Variants in MAML1 observed in about 807,000 individuals in gnomAD.
MAML1 encodes the protein mastermind-like protein 1.
A neutral mutation model predicts 77.1 loss-of-function variants in MAML1; 14 were observed. The observed-to-expected ratio is 0.18, with a 90% CI of 0.12 to 0.28. The LOEUF (loss-of-function observed/expected upper bound fraction) is 0.28. MAML1 is among the 10% of genes least tolerant of loss of function. The pLI is 1.00. For synonymous variants in MAML1, 516 were observed against 551.9 expected, an observed-to-expected ratio of 0.93 and a Z score of 0.91; for missense variants, 1,217 against 1,327.8, an observed-to-expected ratio of 0.92 and a Z score of 1.30.
At chr5:179,740,579 C>CT (rs1430130530) in intron 1 of MAML1, among the ~76,000 whole-genome samples, 2 of 152,000 alleles carry the variant, frequency 1.3e-5, no homozygotes, top group African/African-American at 4.8e-5. Context: ...CCCGGCCGAT[C>CT]TTTAAGTTTT....
chr5:179,760,627 T>C lies in MAML1; in HGVS notation c.316-4699T>C, dbSNP rs866076031. ...GTTCAGTCATGGGAATTTGAAGGCA[T>C]GGGAATGTGTGAAATCTCTCAGGTA... On this transcript the variant is annotated intron_variant, in intron 1 of 4. Transcript: ENST00000292599. 7.2e-5 allele frequency among the ~76,000 whole-genome samples: 11 copies of C among 151,918 alleles called. No individual in the cohort carries two copies. The South Asian group carries it at 8.3e-4, about 11-fold the overall frequency.
At chr5:179,746,413 C>G (rs1229439554) in intron 1 of MAML1, among the ~76,000 whole-genome samples, 1 of 152,028 alleles carries the variant, frequency 6.6e-6, no homozygotes, top group Non-Finnish European at 1.5e-5. Context: ...GCTCTTGTTG[C>G]CCAGGCTGGA....
chr5:179,748,949 TG>T (rs1309595181), intron 1 of MAML1, among the ~76,000 whole-genome samples: 11 of 104,274 alleles, frequency 1.1e-4, no homozygotes, highest in Admixed American at 1.2e-4. Flanking sequence ...AAGGTGTTTT[TG>T]TTTTTTTTTT....
In MAML1 at chr5:179,775,914, G is replaced by A. The variant is rs1756126443; in HGVS notation, c.*1037G>A. ...TTCCTAAGGGAACCTTAGCATAAAG[G>A]TTTTGGGGAAGGAGGCCGTAGGCCG... On this transcript the variant is annotated 3_prime_UTR_variant, in exon 5 of 5. Transcript: ENST00000292599. 2 of 985,540 alleles carry A rather than the reference G, an allele frequency of 2.0e-6. No homozygotes were observed. Among genetic ancestry groups the A allele is most frequent in the Admixed American group, 6.2e-5 (1 of 16,260 alleles). The allele number at this position is 985,540 out of a possible 1,614,324, so 61.0% of individuals were successfully genotyped here.
At chr5:179,750,694 C>G (rs1224874171) in intron 1 of MAML1, among the ~76,000 whole-genome samples, 1 of 152,164 alleles carries the variant, frequency 6.6e-6, no homozygotes, top group African/African-American at 2.4e-5. Flanking sequence ...CTCCTGAGTG[C>G]AAAGCAATCC....
chr5:179,746,938 GTTTC>G (rs575692576), intron 1 of MAML1, among the ~76,000 whole-genome samples: 2 of 152,182 alleles, frequency 1.3e-5, no homozygotes, highest in African/African-American at 4.8e-5. Context: ...GAGGTACCTT[GTTTC>G]TTTCTTTCTT....
Position 179,774,695 on chromosome 5 carries a change from T to C in MAML1, c.2869T>C (p.Cys957Arg), listed in dbSNP as rs965168630. The change falls in exon 5 of 5, where the codon TGC becomes CGC. Residue 957 changes from cysteine (C) to arginine (R), a missense_variant. Physicochemically the swap from Cys to Arg is radical, Grantham distance 180. Coordinates refer to ENST00000292599, the MANE Select transcript of MAML1 (RefSeq NM_014757.5). ...GATGGGCGGTCGGGCGGGGCTGCAC[T>C]GCACCCAGGCCTACCCTGTGCGGAC... ...SQMGGRAGLH[C>R]TQAYPVRTAG... 1.1e-5 allele frequency: 17 copies of C among 1,610,454 alleles called. No homozygotes were observed. Among genetic ancestry groups the C allele is most frequent in the Non-Finnish European group, 1.4e-5 (17 of 1,179,936 alleles).
In MAML1 at chr5:179,771,157, A is replaced by G; in HGVS notation, c.1982A>G (p.Gln661Arg). The change falls in exon 4 of 5, where the codon CAG becomes CGG. Residue 661 changes from glutamine (Q) to arginine (R), a missense_variant. By Grantham distance (43) the Gln-to-Arg change is conservative. This residue lies in a region of MAML1 where 884 missense variants were observed against 949.3 expected (regional missense o/e 0.93). Transcript: ENST00000292599. This position sits in a 1 kb window ranked among gnomAD's most constrained non-coding sequence, Gnocchi z 4.7. ...QHLLAEQEKQ[Q>R]FQRHLTRPPP... is the part of the protein sequence containing the mutation. The stretch of plus-strand genomic sequence containing the variant: ...CTTGGCATTTTCTAGGAGAAGCAAC[A>G]GTTTCAGCGCCATCTGACCCGCCCA... 5 of 1,614,016 alleles carry G rather than the reference A, an allele frequency of 3.1e-6. No homozygotes were observed. Among genetic ancestry groups the G allele is most frequent in the Non-Finnish European group, 4.2e-6 (5 of 1,179,910 alleles).
chr5:179,769,157 TC>T lies in MAML1; in HGVS notation c.1971+69del, dbSNP rs1755908692. 1 of 1,588,072 alleles carries T rather than the reference TC, an allele frequency of 6.3e-7. No homozygotes were observed. The highest frequency in any genetic ancestry group is 1.7e-5 in the Admixed American group (1 of 58,294). On this transcript the variant is annotated intron_variant, in intron 3 of 4. Coordinates refer to ENST00000292599, the MANE Select transcript of MAML1 (RefSeq NM_014757.5). The surrounding 1 kb of genome is among the most constrained non-coding windows in gnomAD (Gnocchi z 4.2). Reference sequence around the variant, plus strand: ...CCTGCACCCTGCGTCACTGCTACAGTCACACCTTCTGCTTGTGCGTGTGGAT... The same window carrying T: ...CCTGCACCCTGCGTCACTGCTACAGTACACCTTCTGCTTGTGCGTGTGGAT...
In MAML1 at chr5:179,765,668, C is replaced by A. The variant is rs773290253; in HGVS notation, c.658C>A (p.Pro220Thr). The part of the protein sequence containing the change: ...LSLNKELKQE[P>T]VEDLPCMITG... The stretch of plus-strand genomic sequence containing the variant: ...CCTGAATAAAGAACTGAAGCAGGAG[C>A]CTGTCGAAGACCTGCCTTGCATGAT... The change falls in exon 2 of 5, where the codon CCT becomes ACT. Residue 220 changes from proline to threonine, a missense_variant. Transcript: ENST00000292599. The A allele has an allele frequency of 1.2e-6, 2 of 1,614,220 alleles. No homozygotes were observed. The highest frequency in any genetic ancestry group is 2.2e-5 in the East Asian group (1 of 44,884).
At chr5:179,763,022 C>G (rs1779749887) in intron 1 of MAML1, among the ~76,000 whole-genome samples, 1 of 152,204 alleles carries the variant, frequency 6.6e-6, no homozygotes, top group South Asian at 2.1e-4. Flanking sequence ...AAGAAAGATT[C>G]TGTTTCTAAT....
At chr5:179,754,956 AAGG>A (rs1435696043) in intron 1 of MAML1, among the ~76,000 whole-genome samples, 6 of 152,350 alleles carry the variant, frequency 3.9e-5, no homozygotes, top group East Asian at 1.9e-4. Context: ...TAATCTTTGC[AAGG>A]AGAAGTGCTT....
At position 179,766,241 on chromosome 5, in the gene MAML1, A is replaced by T; in HGVS notation, c.1231A>T (p.Met411Leu). ...QIAAKQKREQ[M>L]LQNPQQATPA... is the part of the protein sequence containing the mutation. ...CGCTGCCAAGCAGAAGCGCGAGCAG[A>T]TGCTCCAGAACCCACAGCAGGCCAC... is the stretch of plus-strand genomic sequence containing the variant. Residue 411 changes from methionine (M) to leucine (L), a missense_variant, in exon 2 of 5, where the codon ATG (methionine) becomes TTG (leucine). Met to Leu is a conservative substitution (Grantham distance 15). Around this residue, in one of 3 missense-constraint regions of MAML1, gnomAD observed 884 missense variants for 949.3 expected, o/e 0.93. Transcript: ENST00000292599. This position sits in a 1 kb window ranked among gnomAD's most constrained non-coding sequence, Gnocchi z 4.0. 6.2e-7 allele frequency: 1 copy of T among 1,613,868 alleles called. No homozygotes were observed. The highest frequency in any genetic ancestry group is 8.5e-7 in the Non-Finnish European group (1 of 1,179,922).
chr5:179,769,700 G>C lies in MAML1; in HGVS notation c.1971+611G>C, dbSNP rs1358977283. On this transcript the variant is annotated intron_variant, in intron 3 of 4. Coordinates refer to ENST00000292599, the MANE Select transcript of MAML1 (RefSeq NM_014757.5). This position sits in a 1 kb window ranked among gnomAD's most constrained non-coding sequence, Gnocchi z 4.2. ...CCCGAGTAGCTGGGACTACAGGCAA[G>C]AACCACCATGCCTGGCTAATTTTTG... Among the ~76,000 whole-genome samples, 1 of 152,026 alleles carries C rather than the reference G, an allele frequency of 6.6e-6. No homozygotes were observed. The highest frequency in any genetic ancestry group is 2.4e-5 in the African/African-American group (1 of 41,382).
intron 1 of MAML1, among the ~76,000 whole-genome samples, chr5:179,755,999 C>T (rs995646159): frequency 4.0e-5 from 6 of 151,332 alleles, no homozygotes; most frequent in Non-Finnish European, 5.9e-5. Context: ...CTCCTGACCT[C>T]GTGATCCACC....
rs1254554965 is a variant in MAML1 at position 179,777,165 on chromosome 5, A to G, written c.*2288A>G. ...CTTTTTATTGTCATCAAAAGTTCAT[A>G]AAAGTCCTATTAATCCCCATATTCT... On this transcript the variant is annotated 3_prime_UTR_variant, in exon 5 of 5. Transcript: ENST00000292599. 1.6e-5 allele frequency: 16 copies of G among 984,404 alleles called. No homozygotes were observed. The highest frequency in any genetic ancestry group is 1.9e-5 in the Non-Finnish European group (16 of 828,820). 61.0% of individuals were successfully genotyped at this position (984,404 alleles called of 1,614,324 possible).
chr5:179,775,321 G>GA lies in MAML1; in HGVS notation c.*448dup. On this transcript the variant is annotated 3_prime_UTR_variant, in exon 5 of 5. Transcript: ENST00000292599. ...AGAATTATTTGCAATTTGTAGCATAGAAAAGATTTTTAAATTTTTTTACAA... is the reference window on the plus strand; with the variant it reads ...AGAATTATTTGCAATTTGTAGCATAGAAAAAGATTTTTAAATTTTTTTACAA... 1.0e-6 allele frequency: 1 copy of GA among 984,548 alleles called. No homozygotes were observed. Among genetic ancestry groups the GA allele is most frequent in the South Asian group, 4.7e-5 (1 of 21,168 alleles). The allele number at this position is 984,548 out of a possible 1,614,324, so 61.0% of individuals were successfully genotyped here. A position where few individuals can be genotyped will look rare whatever the true frequency, so the allele number is the denominator to read the frequency against.
intron 1 of MAML1, among the ~76,000 whole-genome samples, chr5:179,742,868 T>G (rs1034629502): frequency 6.6e-6 from 1 of 152,110 alleles, no homozygotes; most frequent in Non-Finnish European, 1.5e-5. Flanking sequence ...AGACATGAGC[T>G]CTTATCAGGT....
intron 1 of MAML1, among the ~76,000 whole-genome samples, chr5:179,764,995 ATGTGTGTGTGTG>A (rs34922506): frequency 6.8e-6 from 1 of 147,592 alleles, no homozygotes; most frequent in African/African-American, 2.5e-5. Flanking sequence ...TAATATATAT[ATGTGTGTGTGTG>A]TGTGTGTGTG....
Sources: gnomAD v4.1 joint callset for allele counts (sites outside exome capture counted in the v4.1 genomes callset) on GRCh38, gnomAD v4.1.1 for gene constraint, gnomAD v4.1.1 regional missense constraint, Gnocchi (gnomAD v3.1) non-coding constraint, MANE v1.5 for transcripts, NCBI Gene and HGNC (gene_info 2026-07-23, HGNC 2026-07-21) for gene names.